The following CPE variants were observed in gnomAD, a reference collection of about 807,000 sequenced individuals.
CPE encodes the protein carbocypeptidase E.
Under a neutral mutation model 53.5 loss-of-function variants are expected in CPE, and 17 were observed. The observed-to-expected ratio is 0.32, with a 90% CI of 0.22 to 0.48. The LOEUF (loss-of-function observed/expected upper bound fraction) is 0.48. Ranked by LOEUF, CPE falls within the 20% of genes least tolerant of loss-of-function variation. CPE has a pLI of 0.99. For missense variants in CPE, 524 were observed against 614.7 expected, an observed-to-expected ratio of 0.85 and a Z score of 1.56; for synonymous variants, 226 against 228.8, an observed-to-expected ratio of 0.99 and a Z score of 0.11.
rs115621756 is a variant in CPE, at chr4:165,443,903, A to G, written c.308-20487A>G. On this transcript the variant is annotated intron_variant, in intron 1 of 8. Transcript: ENST00000402744. The stretch of plus-strand genomic sequence containing the variant: ...ATGGGATTAGTGCCCTTACAATGAG[A>G]CCCCAGAGAGTTGCCTTTTCCATCA... Among the ~76,000 whole-genome samples, 553 of 152,084 alleles carry G rather than the reference A, an allele frequency of 3.6e-3. 2 individuals are homozygous for G. Among genetic ancestry groups the G allele is most frequent in the African/African-American group, 0.012 (514 of 41,488 alleles).
At position 165,432,178 on chromosome 4, in the gene CPE, A is replaced by C. The variant is rs543938196; in HGVS notation, c.308-32212A>C. Among the ~76,000 whole-genome samples, 569 of 152,358 alleles carry C rather than the reference A, an allele frequency of 3.7e-3. 3 individuals are homozygous for C. The highest frequency in any genetic ancestry group is 0.013 in the African/African-American group (546 of 41,580). ...GACCTATTTGCCCTTGTCTCTCTTC[A>C]TACCATGTTTTGTGAGCATAGCTAC... On this transcript the variant is annotated intron_variant, in intron 1 of 8. Coordinates refer to ENST00000402744, the MANE Select transcript of CPE (RefSeq NM_001873.4).
chr4:165,424,767 C>T (rs1731288534), intron 1 of CPE, among the ~76,000 whole-genome samples: 1 of 152,154 alleles, frequency 6.6e-6, no homozygotes, highest in South Asian at 2.1e-4. Context: ...ATCTCCTGAC[C>T]TCGTGATCCA....
chr4:165,431,662 T>A (rs930385476), intron 1 of CPE, among the ~76,000 whole-genome samples: 1 of 152,184 alleles, frequency 6.6e-6, no homozygotes, highest in Non-Finnish European at 1.5e-5. Context: ...TTTCTGTATA[T>A]ATTATATAAT....
At chr4:165,419,679 G>A (rs771207829) in intron 1 of CPE, among the ~76,000 whole-genome samples, 14 of 152,142 alleles carry the variant, frequency 9.2e-5, no homozygotes, top group Non-Finnish European at 1.0e-4. Flanking sequence ...TTGCACATTA[G>A]ATTACATAAG....
At chr4:165,399,163 G>T (rs1395910222) in intron 1 of CPE, among the ~76,000 whole-genome samples, 1 of 152,088 alleles carries the variant, frequency 6.6e-6, no homozygotes, top group African/African-American at 2.4e-5. Context: ...TCATAAACCA[G>T]AGATGTAGTT....
chr4:165,451,479 A>ATTAT (rs200432846), intron 1 of CPE, among the ~76,000 whole-genome samples: 25,970 of 150,396 alleles, frequency 0.17, 3,311 homozygotes, highest in African/African-American at 0.36. Flanking sequence ...AGGTTTTATT[A>ATTAT]TTATTTATTT....
chr4:165,405,927 C>T, intron 1 of CPE: 1 of 728,646 alleles, frequency 1.4e-6, no homozygotes. Flanking sequence ...CCACTGATGG[C>T]AGTCACAACA....
chr4:165,415,912 AT>A (rs1488491956), intron 1 of CPE, among the ~76,000 whole-genome samples: 1 of 152,136 alleles, frequency 6.6e-6, no homozygotes, highest in African/African-American at 2.4e-5. Context: ...AATGACACAG[AT>A]TTTTTTGTTT....
At chr4:165,454,925 C>T (rs2118494) in intron 1 of CPE, among the ~76,000 whole-genome samples, 34,655 of 152,028 alleles carry the variant, frequency 0.23, 5,133 homozygotes, top group African/African-American at 0.42. Context: ...CTAGTCCAGC[C>T]TCACAGCTTG....
intron 1 of CPE, among the ~76,000 whole-genome samples, chr4:165,442,779 A>AT (rs1731637962): frequency 6.6e-6 from 1 of 152,080 alleles, no homozygotes; most frequent in South Asian, 2.1e-4. Context: ...CAATCCTTTT[A>AT]TTTTCTGGTG....
intron 1 of CPE, among the ~76,000 whole-genome samples, chr4:165,442,996 A>G (rs7441041): frequency 0.23 from 35,135 of 152,010 alleles, 4,270 homozygotes; most frequent in East Asian, 0.37. Context: ...TTTCACTGCA[A>G]TCCCAGGGTC....
intron 3 of CPE, among the ~76,000 whole-genome samples, chr4:165,475,052 T>C (rs1339883992): frequency 3.9e-5 from 6 of 152,166 alleles, no homozygotes; most frequent in Non-Finnish European, 7.3e-5. Context: ...CATGGAAAGC[T>C]TTCATATGCG....
chr4:165,494,242 C>CTGCCACAAGAA (rs1410889799), intron 7 of CPE, among the ~76,000 whole-genome samples: 2 of 152,168 alleles, frequency 1.3e-5, no homozygotes, highest in Admixed American at 1.3e-4. Flanking sequence ...GTTAGTATCC[C>CTGCCACAAGAA]TGCCACAAGA....
chr4:165,481,012 A>ATT (rs1332936191), intron 3 of CPE, among the ~76,000 whole-genome samples: 7 of 50,076 alleles, frequency 1.4e-4, no homozygotes, highest in African/African-American at 3.6e-4. Flanking sequence ...ATATATATAT[A>ATT]TATATTTTTT....
At chr4:165,435,311 T>G (rs563338075) in intron 1 of CPE, among the ~76,000 whole-genome samples, 1 of 152,334 alleles carries the variant, frequency 6.6e-6, no homozygotes, top group East Asian at 1.9e-4. Flanking sequence ...AATGGCTTTC[T>G]GAGAAAGTTG....
intron 1 of CPE, among the ~76,000 whole-genome samples, chr4:165,462,052 C>A (rs977256298): frequency 6.6e-6 from 1 of 152,198 alleles, no homozygotes; most frequent in African/African-American, 2.4e-5. Context: ...TTACTACCGC[C>A]TCACAAATAC....
At chr4:165,453,074 C>A (rs1052823554) in intron 1 of CPE, among the ~76,000 whole-genome samples, 1 of 152,060 alleles carries the variant, frequency 6.6e-6, no homozygotes, top group Admixed American at 6.5e-5. Context: ...ATTCTCCCGC[C>A]TCAGCCTCCT....
At chr4:165,463,931 A>G (rs1732052595) in intron 1 of CPE, among the ~76,000 whole-genome samples, 1 of 152,216 alleles carries the variant, frequency 6.6e-6, no homozygotes, top group Non-Finnish European at 1.5e-5. Context: ...GAAGTTCAAG[A>G]TCAAGGTGGC....
chr4:165,465,395 A>C (rs1236134537), intron 2 of CPE, among the ~76,000 whole-genome samples: 1 of 152,024 alleles, frequency 6.6e-6, no homozygotes, highest in Non-Finnish European at 1.5e-5. Context: ...TAAAGTTATG[A>C]GAGAAAAATT....
Sources: allele counts gnomAD v4.1 joint callset (sites outside exome capture counted in the v4.1 genomes callset), GRCh38; gene constraint gnomAD v4.1.1; transcripts MANE v1.5; gene names NCBI Gene and HGNC (gene_info 2026-07-23, HGNC 2026-07-21).